Variants in DLG2 observed in about 807,000 individuals in gnomAD.
The protein encoded by DLG2 is discs large MAGUK scaffold protein 2.
DLG2 carries 45 observed loss-of-function variants against 132.5 expected under a neutral mutation model. The observed-to-expected ratio is 0.34, with a 90% CI of 0.27 to 0.44. The LOEUF (loss-of-function observed/expected upper bound fraction) is 0.44. DLG2 is among the 20% of genes least tolerant of loss of function. The pLI, the probability that DLG2 is intolerant of heterozygous loss-of-function variation, is 1.00. For synonymous variants in DLG2, 424 were observed against 419.6 expected (o/e 1.01, Z -0.13); for missense variants, 1,045 against 1,196.9 (o/e 0.87, Z 1.87).
chr11:85,097,155 A>G (rs912311031), intron 6 of DLG2, among the ~76,000 whole-genome samples: 1 of 152,134 alleles, frequency 6.6e-6, no homozygotes, highest in African/African-American at 2.4e-5. Flanking sequence ...CTCCCAGGGT[A>G]GTTCCACTTC....
intron 3 of DLG2, among the ~76,000 whole-genome samples, chr11:85,584,606 C>G (rs561817334): frequency 6.6e-5 from 10 of 152,252 alleles, no homozygotes; most frequent in Non-Finnish European, 1.5e-4. Context: ...AATGATTGTA[C>G]TAGTCTACAT....
chr11:83,489,916 A>G (rs1488902780), intron 21 of DLG2, among the ~76,000 whole-genome samples: 1 of 151,662 alleles, frequency 6.6e-6, no homozygotes, highest in Non-Finnish European at 1.5e-5. Context: ...GAGGAAGGAG[A>G]GGAAGACTCT....
chr11:83,590,785 A>G lies in DLG2; in HGVS notation c.1940+42426T>C, dbSNP rs1324912071. Among the ~76,000 whole-genome samples the G allele has an allele frequency of 2.0e-5, 3 of 152,226 alleles. No homozygotes were observed. In the South Asian group the frequency reaches 6.2e-4, roughly 32 times the overall value. On this transcript the variant is annotated intron_variant, in intron 19 of 27. Transcript: ENST00000376104. ...AAAAAGAGACAAGAATCAAATAGAC[A>G]CAATAAAAAATGATAAAGGGGATAT...
At chr11:85,573,606 T>C (rs989324081) in intron 3 of DLG2, among the ~76,000 whole-genome samples, 11 of 152,198 alleles carry the variant, frequency 7.2e-5, no homozygotes, top group African/African-American at 2.7e-4. Context: ...TTTGTGTTTC[T>C]TGGTTCCTAT....
intron 18 of DLG2, among the ~76,000 whole-genome samples, chr11:83,707,720 A>C (rs1277628787): frequency 6.6e-6 from 1 of 152,204 alleles, no homozygotes; most frequent in African/African-American, 2.4e-5. Context: ...AAACAAGTGC[A>C]CAATGCTTTT....
At position 84,219,191 on chromosome 11, in the gene DLG2, C is replaced by T. The variant is rs1427504500; in HGVS notation, c.573+32047G>A. 7.2e-5 allele frequency among the ~76,000 whole-genome samples: 11 copies of T among 152,190 alleles called. No homozygotes were observed. In the East Asian group the frequency reaches 2.1e-3, roughly 29 times the overall value. On this transcript the variant is annotated intron_variant, in intron 8 of 27. Coordinates refer to ENST00000376104, the MANE Select transcript of DLG2 (RefSeq NM_001142699.3). The stretch of plus-strand genomic sequence containing the variant: ...CTACTAAGATATGCATTTCCTCTTT[C>T]CTGAGGTATTACAATAATTTCCTAA...
intron 19 of DLG2, among the ~76,000 whole-genome samples, chr11:83,571,043 C>T (rs968175993): frequency 6.6e-6 from 1 of 151,950 alleles, no homozygotes; most frequent in African/African-American, 2.4e-5. Context: ...CCACCACGCC[C>T]GGCTAATTTT....
At chr11:85,563,659 C>T (rs1262405503) in intron 3 of DLG2, among the ~76,000 whole-genome samples, 2 of 147,310 alleles carry the variant, frequency 1.4e-5, no homozygotes, top group South Asian at 2.1e-4. Flanking sequence ...AATTTCATTC[C>T]TTTTTATTGC....
chr11:83,720,503 TA>T (rs991658354), intron 18 of DLG2, among the ~76,000 whole-genome samples: 170 of 151,914 alleles, frequency 1.1e-3, no homozygotes, highest in Non-Finnish European at 1.7e-3. Flanking sequence ...AATGAGGTTC[TA>T]AAAGCTTCAT....
At chr11:85,618,631 A>C (rs959118321) in intron 2 of DLG2, among the ~76,000 whole-genome samples, 2 of 152,204 alleles carry the variant, frequency 1.3e-5, no homozygotes, top group African/African-American at 4.8e-5. Flanking sequence ...AGGGCTAAAA[A>C]ACCACCTATT....
intron 17 of DLG2, among the ~76,000 whole-genome samples, chr11:83,798,725 A>G (rs2043503681): frequency 6.6e-6 from 1 of 152,160 alleles, no homozygotes; most frequent in African/African-American, 2.4e-5. Flanking sequence ...TAGGATCCAA[A>G]CTATCTCTAC....
intron 17 of DLG2, chr11:83,815,181 T>A (rs1914203): frequency 0.45 from 69,693 of 154,014 alleles, 16,001 homozygotes; most frequent in Middle Eastern, 0.6. Flanking sequence ...TAGGTTGGAG[T>A]TTGCAGAGAT....
intron 18 of DLG2, among the ~76,000 whole-genome samples, chr11:83,650,536 G>C (rs976513695): frequency 2.6e-5 from 4 of 152,128 alleles, no homozygotes; most frequent in Admixed American, 6.5e-5. Context: ...CTCCAAAACT[G>C]TAAGAGAATA....
At chr11:85,596,070 T>G (rs962437368) in intron 3 of DLG2, among the ~76,000 whole-genome samples, 1 of 151,954 alleles carries the variant, frequency 6.6e-6, no homozygotes, top group South Asian at 2.1e-4. Context: ...CTGGGAAACA[T>G]AGCGAGACCC....
intron 14 of DLG2, among the ~76,000 whole-genome samples, chr11:83,931,078 T>C (rs753970139): frequency 3.0e-4 from 46 of 152,180 alleles, no homozygotes; most frequent in Admixed American, 1.3e-4. Context: ...ACAGATATAC[T>C]CCTACAAAAT....
intron 7 of DLG2, among the ~76,000 whole-genome samples, chr11:84,476,521 A>T (rs2099122083): frequency 6.6e-6 from 1 of 152,222 alleles, no homozygotes; most frequent in African/African-American, 2.4e-5. Context: ...ACATTCAACC[A>T]ATCAAACACC....
chr11:84,200,874 A>G (rs1417575022), intron 8 of DLG2, among the ~76,000 whole-genome samples: 1 of 152,152 alleles, frequency 6.6e-6, no homozygotes, highest in Admixed American at 6.5e-5. Flanking sequence ...TTCTAAATAT[A>G]GGTTCACTTT....
At chr11:85,443,172 T>A (rs986603446) in intron 3 of DLG2, among the ~76,000 whole-genome samples, 1 of 151,692 alleles carries the variant, frequency 6.6e-6, no homozygotes, top group African/African-American at 2.4e-5. Context: ...CTGTCACTAA[T>A]TTTTTTATCT....
At chr11:84,154,008 A>AT (rs1566731936) in intron 9 of DLG2, among the ~76,000 whole-genome samples, 1 of 151,674 alleles carries the variant, frequency 6.6e-6, no homozygotes, top group African/African-American at 2.4e-5. Flanking sequence ...GTTTATTTTT[A>AT]TTTTTTTGAG....
Sources: allele counts gnomAD v4.1 joint callset (sites outside exome capture counted in the v4.1 genomes callset), GRCh38; gene constraint gnomAD v4.1.1; transcripts MANE v1.5; gene names NCBI Gene and HGNC (gene_info 2026-07-23, HGNC 2026-07-21).